ATL3: variants seen among roughly 807,000 people sequenced by gnomAD.
ATL3 encodes atlastin GTPase 3.
A neutral mutation model predicts 69.5 loss-of-function variants in ATL3; 49 were observed. The observed-to-expected ratio is 0.71, with a 90% CI of 0.56 to 0.89. The LOEUF is 0.89. ATL3 is among the 40% of genes least tolerant of loss of function. The pLI, the probability that ATL3 is intolerant of heterozygous loss-of-function variation, is 0.00. For missense variants in ATL3, 606 were observed against 645.7 expected (o/e 0.94, Z 0.67); for synonymous variants, 214 against 224.1 (o/e 0.95, Z 0.40).
At chr11:63,657,493 G>A (rs1187226020) in intron 3 of ATL3, among the ~76,000 whole-genome samples, 1 of 152,130 alleles carries the variant, frequency 6.6e-6, no homozygotes, top group East Asian at 1.9e-4. Context: ...CAACAGCCAG[G>A]TCTGTGCCAC....
intron 5 of ATL3, 126 bp downstream of exon 5, chr11:63,651,810 T>A: frequency 7.3e-7 from 1 of 1,360,760 alleles, no homozygotes; most frequent in Admixed American, 3.1e-5. Flanking sequence ...AGTATAGAAT[T>A]ACTATGAACC....
intron 1 of ATL3, among the ~76,000 whole-genome samples, chr11:63,660,532 A>G (rs184051421): frequency 1.6e-3 from 237 of 152,344 alleles, no homozygotes; most frequent in Non-Finnish European, 1.7e-3. Context: ...AAAATTAAAT[A>G]TATCTGTGAT....
At chr11:63,652,038 C>A in intron 4 of ATL3, 52 bp from the exon 5 acceptor site, 1 of 1,568,130 alleles carries the variant, frequency 6.4e-7, no homozygotes, top group South Asian at 1.2e-5. Flanking sequence ...TCAAACAAAT[C>A]CCAAATAAGC....
intron 8 of ATL3, among the ~76,000 whole-genome samples, chr11:63,640,594 C>CTTTTTTTT (rs1172516886): frequency 2.4e-5 from 2 of 84,334 alleles, no homozygotes; most frequent in African/African-American, 5.4e-5. Context: ...ACCATAGTAT[C>CTTTTTTTT]TTTTTTTTTT....
intron 8 of ATL3, among the ~76,000 whole-genome samples, chr11:63,642,900 T>C (rs1274107672): frequency 1.3e-5 from 2 of 152,196 alleles, no homozygotes; most frequent in African/African-American, 4.8e-5. Flanking sequence ...GAGTCCCAAC[T>C]ACGATTCCTC....
In ATL3 at chr11:63,658,842, C is replaced by T. The variant is rs1201489511; in HGVS notation, c.324G>A (p.Trp108Ter). 1 of 1,612,660 alleles carries T rather than the reference C, an allele frequency of 6.2e-7. No individual in the cohort carries two copies. The highest frequency in any genetic ancestry group is 1.3e-5 in the African/African-American group (1 of 75,026). Residue 108 changes from tryptophan (W) to a stop codon, truncating the protein, a stop_gained, in exon 3 of 13, where the codon TGG (tryptophan) becomes TGA (stop). Coordinates refer to ENST00000398868, the MANE Select transcript of ATL3 (RefSeq NM_015459.5). LOFTEE classifies it high-confidence loss of function. ...DPEEPLTGFSWRGGSDPETTG... is the reference protein window; with the variant it reads ...DPEEPLTGFS The stretch of plus-strand genomic sequence containing the variant: ...TGGTTTCTGGATCAGATCCCCCTCT[C>T]CAGGAAAATCCTGTTAACGGTTCTT...
chr11:63,660,297 G>T (rs943283433), intron 1 of ATL3, among the ~76,000 whole-genome samples: 1 of 152,040 alleles, frequency 6.6e-6, no homozygotes, highest in African/African-American at 2.4e-5. Context: ...GTAAGAAAAA[G>T]ATATACAAAT....
chr11:63,668,725 G>GT (rs1318982814), intron 1 of ATL3, among the ~76,000 whole-genome samples: 1 of 148,870 alleles, frequency 6.7e-6, no homozygotes, highest in African/African-American at 2.5e-5. Flanking sequence ...AATGAGCTCA[G>GT]TAACACTTTT....
At chr11:63,654,800 G>A (rs758926837) in intron 3 of ATL3, among the ~76,000 whole-genome samples, 13 of 147,832 alleles carry the variant, frequency 8.8e-5, no homozygotes, top group African/African-American at 3.2e-4. Flanking sequence ...AGGTTCAAGC[G>A]ATTCTCCTGC....
intron 5 of ATL3, among the ~76,000 whole-genome samples, chr11:63,649,180 A>G (rs540422225): frequency 6.6e-6 from 1 of 152,354 alleles, no homozygotes; most frequent in South Asian, 2.1e-4. Flanking sequence ...TTATTTGGAA[A>G]CAAAACCTGC....
At chr11:63,637,306 G>A (rs1006916050) in intron 8 of ATL3, among the ~76,000 whole-genome samples, 1 of 151,314 alleles carries the variant, frequency 6.6e-6, no homozygotes, top group African/African-American at 2.4e-5. Flanking sequence ...TCATTAACAG[G>A]GTCTTCAACA....
intron 3 of ATL3, among the ~76,000 whole-genome samples, chr11:63,652,958 C>T (rs759059546): frequency 7.2e-5 from 11 of 152,010 alleles, no homozygotes; most frequent in East Asian, 3.9e-4. Context: ...TTTGGGAGGC[C>T]GTGGCAGCAG....
intron 3 of ATL3, among the ~76,000 whole-genome samples, chr11:63,656,475 T>G (rs945933568): frequency 6.6e-6 from 1 of 152,152 alleles, no homozygotes; most frequent in Non-Finnish European, 1.5e-5. Flanking sequence ...GGCTCATGCT[T>G]GTAATCCCAG....
rs906159646 is a variant in ATL3, at chr11:63,625,481, T to C, written c.*3838A>G. ...AAAAAATTAAAAAATTAAAACTGTT[T>C]TATTGCTTTTGCATGGACTTGATTC... On this transcript the variant is annotated 3_prime_UTR_variant, in exon 13 of 13. Coordinates refer to ENST00000398868, the MANE Select transcript of ATL3 (RefSeq NM_015459.5). The C allele has an allele frequency of 3.9e-5, 6 of 152,242 alleles. No individual in the cohort carries two copies. The highest frequency in any genetic ancestry group is 5.9e-5 in the Non-Finnish European group (4 of 68,042). The allele number at this position is 152,242 out of a possible 1,614,324, so 9.4% of individuals were successfully genotyped here.
chr11:63,667,256 A>G (rs182910414), intron 1 of ATL3, among the ~76,000 whole-genome samples: 1 of 152,324 alleles, frequency 6.6e-6, no homozygotes, highest in Non-Finnish European at 1.5e-5. Flanking sequence ...ATTGCTGTAA[A>G]TAGCTCATGA....
At chr11:63,661,829 T>C (rs1940429717) in intron 1 of ATL3, among the ~76,000 whole-genome samples, 1 of 148,756 alleles carries the variant, frequency 6.7e-6, no homozygotes, top group Non-Finnish European at 1.5e-5. Context: ...GTGGAGGTTG[T>C]GGTGAGCTGA....
chr11:63,639,146 C>CAAT (rs1450800015), intron 8 of ATL3, among the ~76,000 whole-genome samples: 1 of 152,134 alleles, frequency 6.6e-6, no homozygotes, highest in Non-Finnish European at 1.5e-5. Context: ...AGGTCTCCTA[C>CAAT]AATAAACTGT....
chr11:63,671,198 G>A, intron 1 of ATL3, 92 bp downstream of exon 1: 16 of 1,457,274 alleles, frequency 1.1e-5, no homozygotes, highest in Non-Finnish European at 1.4e-5. Flanking sequence ...ACGAGGAAGG[G>A]CGGCGGCGCG....
intron 1 of ATL3, among the ~76,000 whole-genome samples, chr11:63,662,139 C>T (rs1940440682): frequency 6.7e-6 from 1 of 149,434 alleles, no homozygotes; most frequent in African/African-American, 2.5e-5. Flanking sequence ...CTTGAACCTG[C>T]ACGGTGGAGG....
Sources: allele counts gnomAD v4.1 joint callset (sites outside exome capture counted in the v4.1 genomes callset), GRCh38; gene constraint gnomAD v4.1.1; transcripts MANE v1.5; gene names NCBI Gene and HGNC (gene_info 2026-07-23, HGNC 2026-07-21).